Variants in MACROD2 observed in about 807,000 individuals in gnomAD.
MACROD2 encodes the protein ADP-ribose glycohydrolase MACROD2.
In MACROD2, 36 loss-of-function variants were observed where a neutral mutation model predicts 70.4. That is an observed-to-expected ratio of 0.51 (90% CI 0.39 to 0.68). The LOEUF (loss-of-function observed/expected upper bound fraction) is 0.68, where lower values mean the gene tolerates loss of function less well. MACROD2 is among the 30% of genes least tolerant of loss of function. MACROD2 has a pLI of 0.00. For synonymous variants in MACROD2, 172 were observed against 178.8 expected (o/e 0.96, Z 0.30); for missense variants, 496 against 538.4 (o/e 0.92, Z 0.78).
chr20:14,684,915 C>A lies in MACROD2; in HGVS notation c.374C>A (p.Thr125Asn), dbSNP rs2070984203. ...TGTCGTAACCTGAATGGCTGTGATA[C>A]TGGACATGCAAAAATCACATGTGGC... The part of the protein sequence containing the change: ...AECRNLNGCD[T>N]GHAKITCGYD... The change falls in exon 5 of 18, where the codon ACT (threonine) becomes AAT (asparagine). Residue 125 changes from threonine to asparagine, a missense_variant. Thr to Asn is a moderately conservative substitution (Grantham distance 65). Coordinates refer to ENST00000684519, the MANE Select transcript of MACROD2 (RefSeq NM_001351661.2). The A allele has an allele frequency of 1.2e-6, 2 of 1,614,048 alleles. No homozygotes were observed. Among genetic ancestry groups the A allele is most frequent in the Non-Finnish European group, 1.7e-6 (2 of 1,179,960 alleles).
At chr20:14,851,511 T>C (rs2073199136) in intron 5 of MACROD2, among the ~76,000 whole-genome samples, 1 of 152,178 alleles carries the variant, frequency 6.6e-6, no homozygotes, top group Non-Finnish European at 1.5e-5. Context: ...ATTATCTCTT[T>C]AGATAAACTA....
intron 6 of MACROD2, among the ~76,000 whole-genome samples, chr20:15,397,987 G>A (rs953110938): frequency 6.6e-5 from 10 of 152,088 alleles, no homozygotes; most frequent in East Asian, 3.9e-4. Flanking sequence ...GAAGTATTAC[G>A]CAGAACACAG....
At chr20:15,417,032 G>A (rs187264754) in intron 6 of MACROD2, among the ~76,000 whole-genome samples, 2 of 152,294 alleles carry the variant, frequency 1.3e-5, no homozygotes, top group East Asian at 3.9e-4. Context: ...AGAACATGCC[G>A]ACACTTCAAG....
chr20:15,072,801 T>G (rs1307718542), intron 5 of MACROD2, among the ~76,000 whole-genome samples: 1 of 152,110 alleles, frequency 6.6e-6, no homozygotes, highest in African/African-American at 2.4e-5. Flanking sequence ...ATAAATCAAA[T>G]AGTAAACCCC....
intron 3 of MACROD2, 27 bp downstream of exon 3, chr20:14,085,755 G>A: frequency 7.8e-6 from 10 of 1,288,970 alleles, no homozygotes; most frequent in Non-Finnish European, 1.0e-5. Context: ...CCTGTGATGT[G>A]TTTGTTATGT....
At chr20:15,098,952 T>A (rs981162938) in intron 5 of MACROD2, among the ~76,000 whole-genome samples, 4 of 152,226 alleles carry the variant, frequency 2.6e-5, no homozygotes, top group African/African-American at 9.6e-5. Context: ...CAGAGATTCA[T>A]TTTAGAGACT....
intron 8 of MACROD2, among the ~76,000 whole-genome samples, chr20:15,687,700 C>T (rs534715828): frequency 3.7e-4 from 57 of 152,164 alleles, no homozygotes; most frequent in Non-Finnish European, 6.5e-4. Context: ...TTTCAGGCTA[C>T]AAATTTCTGT....
chr20:14,924,081 G>A (rs1269640931), intron 5 of MACROD2, among the ~76,000 whole-genome samples: 1 of 152,072 alleles, frequency 6.6e-6, no homozygotes, highest in Non-Finnish European at 1.5e-5. Flanking sequence ...GCTATTTTTA[G>A]TTTTTGGAAA....
At chr20:15,213,934 C>T (rs142148829) in intron 5 of MACROD2, among the ~76,000 whole-genome samples, 331 of 151,666 alleles carry the variant, frequency 2.2e-3, no homozygotes, top group Non-Finnish European at 3.8e-3. Context: ...TGTGGAGACA[C>T]GGTCTCCATA....
intron 5 of MACROD2, among the ~76,000 whole-genome samples, chr20:14,743,692 G>A (rs1443096807): frequency 6.6e-6 from 1 of 152,066 alleles, no homozygotes; most frequent in South Asian, 2.1e-4. Context: ...ATTAATACAC[G>A]CGATAGTAGG....
At chr20:14,281,987 C>T (rs2082310517) in intron 3 of MACROD2, among the ~76,000 whole-genome samples, 2 of 149,400 alleles carry the variant, frequency 1.3e-5, no homozygotes, top group East Asian at 2.0e-4. Context: ...TATATTTTAT[C>T]CTAAATTATA....
chr20:15,210,679 G>T (rs1360396670), intron 5 of MACROD2, among the ~76,000 whole-genome samples: 1 of 150,588 alleles, frequency 6.6e-6, no homozygotes, highest in Admixed American at 6.6e-5. Flanking sequence ...GAGCTGTTTA[G>T]ATCATGGGGG....
chr20:15,679,465 C>G (rs1337697081), intron 8 of MACROD2, among the ~76,000 whole-genome samples: 7 of 152,298 alleles, frequency 4.6e-5, no homozygotes, highest in Non-Finnish European at 1.0e-4. Flanking sequence ...GAACTGCACC[C>G]CCCAAGGTTC....
At chr20:14,719,119 C>G (rs1300598017) in intron 5 of MACROD2, among the ~76,000 whole-genome samples, 1 of 152,174 alleles carries the variant, frequency 6.6e-6, no homozygotes, top group East Asian at 1.9e-4. Flanking sequence ...GTAGTCCCAG[C>G]TACTTGGGAG....
intron 3 of MACROD2, among the ~76,000 whole-genome samples, chr20:14,469,024 G>GA (rs1271183705): frequency 6.6e-6 from 1 of 152,086 alleles, no homozygotes; most frequent in Non-Finnish European, 1.5e-5. Flanking sequence ...TCATAGTATC[G>GA]ATGGTCTTTA....
chr20:15,123,647 G>T lies in MACROD2; in HGVS notation c.419-106293G>T, dbSNP rs188430797. On this transcript the variant is annotated intron_variant, in intron 5 of 17. Transcript: ENST00000684519. ...TGGCTACTAAAAAAATTGAAATCAC[G>T]TGTGTGGCTCACATTATATTTCTAT... 2.3e-3 allele frequency among the ~76,000 whole-genome samples: 344 copies of T among 152,036 alleles called. 3 individuals are homozygous for T. The highest frequency in any genetic ancestry group is 0.017 in the Admixed American group (267 of 15,260).
At chr20:14,553,665 T>C (rs1978821676) in intron 4 of MACROD2, among the ~76,000 whole-genome samples, 1 of 152,138 alleles carries the variant, frequency 6.6e-6, no homozygotes, top group South Asian at 2.1e-4. Context: ...ACTATAATCT[T>C]ATGGGATCAC....
chr20:14,742,330 A>G (rs764953890), intron 5 of MACROD2, among the ~76,000 whole-genome samples: 3 of 152,136 alleles, frequency 2.0e-5, no homozygotes, highest in Non-Finnish European at 4.4e-5. Flanking sequence ...TTCTGAGAAA[A>G]GTTTTAATAA....
intron 15 of MACROD2, among the ~76,000 whole-genome samples, chr20:16,040,670 C>T (rs1158227520): frequency 6.6e-6 from 1 of 151,976 alleles, no homozygotes; most frequent in Non-Finnish European, 1.5e-5. Flanking sequence ...TCTCAGCAAT[C>T]CGAAATGGCA....
Sources: allele counts gnomAD v4.1 joint callset (sites outside exome capture counted in the v4.1 genomes callset), GRCh38; gene constraint gnomAD v4.1.1; transcripts MANE v1.5; gene names NCBI Gene and HGNC (gene_info 2026-07-23, HGNC 2026-07-21).